RNF126: variants seen among roughly 807,000 people sequenced by gnomAD.
RNF126 encodes the protein ring finger protein 126.
In RNF126, 20 loss-of-function variants were observed where a neutral mutation model predicts 41.9. The ratio of observed to expected loss-of-function variants is 0.48; its 90% confidence interval spans 0.34 to 0.69. The LOEUF (loss-of-function observed/expected upper bound fraction) is 0.69. Ranked by LOEUF, RNF126 falls within the 30% of genes least tolerant of loss-of-function variation. The pLI is 0.01. For synonymous variants in RNF126, 239 were observed against 202.9 expected (o/e 1.18, Z -1.51); for missense variants, 433 against 460.6 (o/e 0.94, Z 0.55).
chr19:660,903 C>T (rs1437943829), intron 1 of RNF126, among the ~76,000 whole-genome samples: 5 of 152,256 alleles, frequency 3.3e-5, no homozygotes, highest in African/African-American at 1.2e-4. Context: ...TCCAAAGGCA[C>T]AAGCAGATGC....
chr19:653,439 G>A (rs1413572283), intron 1 of RNF126, among the ~76,000 whole-genome samples: 1 of 152,224 alleles, frequency 6.6e-6, no homozygotes, highest in Admixed American at 6.5e-5. Flanking sequence ...CCTGCCCAGG[G>A]ACAGCCGTGG....
At chr19:649,858 C>T in intron 5 of RNF126, 110 bp from the exon 6 acceptor site, 3 of 742,968 alleles carry the variant, frequency 4.0e-6, no homozygotes, top group Non-Finnish European at 7.0e-6. Context: ...GCACCCCCTC[C>T]TACTCACCAG....
At chr19:661,444 G>A (rs2030797896) in intron 1 of RNF126, 1 of 152,284 alleles carries the variant, frequency 6.6e-6, no homozygotes, top group African/African-American at 2.4e-5. Context: ...AGACCCCTGG[G>A]AGACAGAGGA....
intron 6 of RNF126, 54 bp downstream of exon 6, chr19:649,625 G>A (rs2030172430): frequency 7.0e-7 from 1 of 1,434,096 alleles, no homozygotes; most frequent in Non-Finnish European, 9.6e-7. Flanking sequence ...GCTCCCAGGG[G>A]TGGGCAGCCC....
intron 3 of RNF126, 52 bp from the exon 4 acceptor site, chr19:651,907 C>A: frequency 6.6e-7 from 1 of 1,516,690 alleles, no homozygotes; most frequent in Non-Finnish European, 8.9e-7. Flanking sequence ...GTGCAGTCTG[C>A]TGGGGGCGCT....
chr19:651,347 G>T (rs1052879183), intron 4 of RNF126: 6 of 357,500 alleles, frequency 1.7e-5, no homozygotes, highest in Non-Finnish European at 3.0e-5. Context: ...ACACGCGTGT[G>T]GACAGCAGTC....
In RNF126 at chr19:663,083, G is replaced by A. The variant is rs2030881331; in HGVS notation, c.39C>T (p.Cys13=). 5.1e-6 allele frequency: 7 copies of A among 1,363,680 alleles called. No individual in the cohort carries two copies. In the African/African-American group the frequency reaches 6.0e-5, roughly 12 times the overall value. 84.5% of individuals were successfully genotyped at this position (1,363,680 alleles called of 1,614,324 possible). Reference sequence around the variant, plus strand: ...GGACGATCTCCACGGAGCAGCAGTGGCAGAAGTACCGTCCGGGATGCGGCG... The same window carrying A: ...GGACGATCTCCACGGAGCAGCAGTGACAGAAGTACCGTCCGGGATGCGGCG... ...EASPHPGRYF[C]HCCSVEIVPR... is the part of the protein sequence containing the mutation. Residue 13 remains cysteine, a synonymous_variant, in exon 1 of 9, where the codon TGC becomes TGT. Coordinates refer to ENST00000292363, the MANE Select transcript of RNF126 (RefSeq NM_194460.3).
In RNF126 at chr19:648,225, G is replaced by C; in HGVS notation, c.839C>G (p.Thr280Arg). The C allele has an allele frequency of 6.3e-7, 1 of 1,599,612 alleles. No individual in the cohort carries two copies. Among genetic ancestry groups the C allele is most frequent in the Non-Finnish European group, 8.5e-7 (1 of 1,173,342 alleles). The change falls in exon 9 of 9, where the codon ACG (threonine) becomes AGG (arginine). Residue 280 changes from threonine to arginine, a missense_variant. Physicochemically the swap from Thr to Arg is moderately conservative, Grantham distance 71. Around this residue, in one of 5 missense-constraint regions of RNF126, gnomAD observed 63 missense variants for 47.9 expected, o/e 1.32. Transcript: ENST00000292363. Reference sequence around the variant, plus strand: ...CACCCCAGTGAGGCCAGGGGGGTTCGTGGCCGTGTTCTGTCCCGTGAGGCT... The same window carrying C: ...CACCCCAGTGAGGCCAGGGGGGTTCCTGGCCGTGTTCTGTCCCGTGAGGCT... Reference protein sequence around the residue: ...RKSLTGQNTATNPPGLTGVSF... With the variant: ...RKSLTGQNTARNPPGLTGVSF...
chr19:660,742 A>G (rs2030764850), intron 1 of RNF126, among the ~76,000 whole-genome samples: 1 of 152,030 alleles, frequency 6.6e-6, no homozygotes, highest in Admixed American at 6.5e-5. Context: ...CGCTCCTCCC[A>G]CCACCTCAGC....
rs537353156 is a variant in RNF126, at chr19:663,174, G to C, written c.-53C>G. The C allele has an allele frequency of 4.5e-6, 4 of 889,708 alleles. No homozygotes were observed. The highest frequency in any genetic ancestry group is 4.7e-5 in the East Asian group (1 of 21,060). The allele number at this position is 889,708 out of a possible 1,614,324, so 55.1% of individuals were successfully genotyped here. On this transcript the variant is annotated 5_prime_UTR_variant, in exon 1 of 9. Transcript: ENST00000292363. The stretch of plus-strand genomic sequence containing the variant: ...CGCCCCCCGCGCGGCACCCGCCGCC[G>C]GCCGTTTGCTGCTCCCTCGCCGGCC...
intron 1 of RNF126, among the ~76,000 whole-genome samples, chr19:658,959 C>A (rs2030681134): frequency 6.6e-6 from 1 of 152,212 alleles, no homozygotes; most frequent in South Asian, 2.1e-4. Flanking sequence ...CCGAGGCAGA[C>A]CCCAGCGCCA....
intron 1 of RNF126, among the ~76,000 whole-genome samples, chr19:653,185 T>C (rs1385289687): frequency 2.6e-5 from 4 of 151,364 alleles, no homozygotes; most frequent in African/African-American, 9.8e-5. Context: ...TGCCCCACCG[T>C]GACGGGCGTC....
At position 648,356 on chromosome 19, in the gene RNF126, T is replaced by TGG; in HGVS notation, c.786+14_786+15dup. 3 of 174,896 alleles carry TGG rather than the reference T, an allele frequency of 1.7e-5. No homozygotes were observed. The highest frequency in any genetic ancestry group is 5.5e-5 in the South Asian group (1 of 18,208). 10.8% of individuals were successfully genotyped at this position (174,896 alleles called of 1,614,324 possible). A position where few individuals can be genotyped will look rare whatever the true frequency, so the allele number is the denominator to read the frequency against. ...GCCGCGGTCGGGGTGGGGGGGCGGG[T>TGG]GGGCGGGGCACTCACCTGCTCCAGC... On this transcript the variant is annotated intron_variant, in intron 8 of 8. Coordinates refer to ENST00000292363, the MANE Select transcript of RNF126 (RefSeq NM_194460.3).
At chr19:662,809 G>A (rs942194681) in intron 1 of RNF126, among the ~76,000 whole-genome samples, 5 of 152,076 alleles carry the variant, frequency 3.3e-5, no homozygotes, top group Non-Finnish European at 5.9e-5. Context: ...CGCCGCTCCG[G>A]CCAGGCCCTG....
At chr19:651,542 G>T (rs1268819150) in intron 4 of RNF126, 69 bp downstream of exon 4, 1 of 1,352,974 alleles carries the variant, frequency 7.4e-7, no homozygotes, top group Admixed American at 3.5e-5. Context: ...ACCCGTGCTG[G>T]ATTCTAAGCG....
At chr19:651,977 G>A (rs956451945) in intron 3 of RNF126, 122 bp from the exon 4 acceptor site, 8 of 891,872 alleles carry the variant, frequency 9.0e-6, no homozygotes, top group African/African-American at 1.7e-5. Context: ...GTGGGAGGGA[G>A]ACGCAGACAG....
At chr19:658,982 G>A (rs1915587804) in intron 1 of RNF126, among the ~76,000 whole-genome samples, 1 of 152,204 alleles carries the variant, frequency 6.6e-6, no homozygotes, top group African/African-American at 2.4e-5. Flanking sequence ...CGGCCAGAGA[G>A]GGCAGCCGAC....
At chr19:652,424 GC>G in intron 2 of RNF126, 128 bp from the exon 3 acceptor site, 1 of 825,708 alleles carries the variant, frequency 1.2e-6, no homozygotes, top group Non-Finnish European at 1.9e-6. Flanking sequence ...ACCCGCCACC[GC>G]CCCAGCATTT....
chr19:654,246 T>G (rs750487989), intron 1 of RNF126, among the ~76,000 whole-genome samples: 13 of 149,836 alleles, frequency 8.7e-5, no homozygotes, highest in Non-Finnish European at 1.9e-4. Context: ...GAGGGGAGAG[T>G]GAAGAGGCAC....
Sources: gnomAD v4.1 joint callset for allele counts (sites outside exome capture counted in the v4.1 genomes callset) on GRCh38, gnomAD v4.1.1 for gene constraint, gnomAD v4.1.1 regional missense constraint, MANE v1.5 for transcripts, NCBI Gene and HGNC (gene_info 2026-07-23, HGNC 2026-07-21) for gene names.